The following DNM3 variants were observed in gnomAD, a reference collection of about 807,000 sequenced individuals.
DNM3 encodes the protein dynamin-3.
Under a neutral mutation model 101.6 loss-of-function variants are expected in DNM3, and 47 were observed. That is an observed-to-expected ratio of 0.46 (90% confidence interval 0.37 to 0.59). The LOEUF (loss-of-function observed/expected upper bound fraction) is 0.59, where lower values mean the gene tolerates loss of function less well. Among genes scored for constraint, DNM3 ranks in the 20% least tolerant of loss-of-function variants. The pLI, the probability that DNM3 is intolerant of heterozygous loss-of-function variation, is 0.00. For missense variants in DNM3, 849 were observed against 1,085.7 expected (o/e 0.78, Z 3.06); for synonymous variants, 385 against 387.9 (o/e 0.99, Z 0.09).
At chr1:172,309,282 A>G (rs2064981803) in intron 16 of DNM3, 1 of 154,638 alleles carries the variant, frequency 6.5e-6, no homozygotes, top group South Asian at 2.1e-4. Context: ...CCCTGTATCC[A>G]TAAGTATATC....
At chr1:172,280,403 C>T (rs186714359) in intron 15 of DNM3, among the ~76,000 whole-genome samples, 4 of 152,262 alleles carry the variant, frequency 2.6e-5, no homozygotes, top group Admixed American at 2.0e-4. Context: ...TTATTCACTG[C>T]TCTATCCTGA....
intron 13 of DNM3, among the ~76,000 whole-genome samples, chr1:172,126,528 T>C (rs1054138051): frequency 5.9e-5 from 9 of 152,202 alleles, no homozygotes; most frequent in Admixed American, 5.2e-4. Flanking sequence ...TGTAGCTCAG[T>C]TGACTAAATC....
chr1:172,374,561 G>A (rs1455104059), intron 17 of DNM3, among the ~76,000 whole-genome samples: 2 of 151,982 alleles, frequency 1.3e-5, no homozygotes, highest in Non-Finnish European at 2.9e-5. Context: ...TTACTAAGAA[G>A]TTTTTACATG....
intron 17 of DNM3, among the ~76,000 whole-genome samples, chr1:172,344,351 G>A (rs1003917111): frequency 6.6e-6 from 1 of 152,148 alleles, no homozygotes; most frequent in Admixed American, 6.5e-5. Flanking sequence ...AGAAGGTATT[G>A]TCTTCTATTC....
intron 2 of DNM3, among the ~76,000 whole-genome samples, chr1:171,965,986 C>T (rs1177386552): frequency 1.3e-5 from 2 of 152,090 alleles, no homozygotes; most frequent in East Asian, 1.9e-4. Flanking sequence ...TTCTGTCATC[C>T]CCATGACTCA....
At chr1:172,155,017 C>T (rs947111940) in intron 14 of DNM3, among the ~76,000 whole-genome samples, 4 of 151,926 alleles carry the variant, frequency 2.6e-5, no homozygotes, top group African/African-American at 9.7e-5. Flanking sequence ...AAAGATTGAA[C>T]TGTTTTTATT....
chr1:172,237,635 A>G (rs1398595035), intron 14 of DNM3, among the ~76,000 whole-genome samples: 12 of 152,188 alleles, frequency 7.9e-5, no homozygotes, highest in African/African-American at 2.9e-4. Flanking sequence ...TTCTGAATGG[A>G]CACAAATTGT....
At chr1:172,086,718 G>T (rs2053557705) in intron 12 of DNM3, among the ~76,000 whole-genome samples, 1 of 152,084 alleles carries the variant, frequency 6.6e-6, no homozygotes, top group African/African-American at 2.4e-5. Context: ...ACCTATGGTG[G>T]TAGCTACTGA....
At chr1:172,304,222 A>AAAAACAAAAAAAAAAAAC (rs745651671) in intron 15 of DNM3, among the ~76,000 whole-genome samples, 6 of 128,940 alleles carry the variant, frequency 4.7e-5, no homozygotes. Flanking sequence ...AAAAAAAAAA[A>AAAAACAAAAAAAAAAAAC]CAGGAGTTGC....
chr1:171,863,693 C>T (rs1267128341), intron 1 of DNM3, among the ~76,000 whole-genome samples: 1 of 152,158 alleles, frequency 6.6e-6, no homozygotes, highest in East Asian at 1.9e-4. Context: ...TGCAGTCCTG[C>T]TGAACGACTA....
At chr1:172,377,566 A>ATATAT (rs1371024971) in intron 17 of DNM3, among the ~76,000 whole-genome samples, 1 of 143,792 alleles carries the variant, frequency 7.0e-6, no homozygotes, top group African/African-American at 2.6e-5. Context: ...ATATATATAT[A>ATATAT]TATATATATA....
intron 2 of DNM3, among the ~76,000 whole-genome samples, chr1:171,957,634 C>T (rs538976002): frequency 1.8e-4 from 28 of 152,252 alleles, no homozygotes; most frequent in Non-Finnish European, 3.2e-4. Context: ...AAATTTCTCC[C>T]GCCAGGTACC....
At chr1:172,057,994 AG>A (rs1253993189) in intron 10 of DNM3, among the ~76,000 whole-genome samples, 2 of 142,910 alleles carry the variant, frequency 1.4e-5, no homozygotes, top group African/African-American at 5.4e-5. Flanking sequence ...GAAAGGATGG[AG>A]GAAGATCTAC....
chr1:172,409,842 T>C lies in DNM3; in HGVS notation c.*2001T>C. On this transcript the variant is annotated 3_prime_UTR_variant, in exon 21 of 21. Coordinates refer to ENST00000627582, the MANE Select transcript of DNM3 (RefSeq NM_015569.5). ...TTTGGCTTTGTGCTAAATGTGGTTT[T>C]GTGTTTTGCTGTATTTCAAAATTTT... is the stretch of plus-strand genomic sequence containing the variant. 1 of 985,800 alleles carries C rather than the reference T, an allele frequency of 1.0e-6. No individual in the cohort carries two copies. Among genetic ancestry groups the C allele is most frequent in the Non-Finnish European group, 1.2e-6 (1 of 829,888 alleles). The allele number at this position is 985,800 out of a possible 1,614,324, so 61.1% of individuals were successfully genotyped here.
intron 1 of DNM3, among the ~76,000 whole-genome samples, chr1:171,896,373 T>C (rs1262964308): frequency 1.3e-5 from 2 of 152,238 alleles, no homozygotes; most frequent in Non-Finnish European, 2.9e-5. Flanking sequence ...TAAGTTGGAT[T>C]CCTGGGTATT....
chr1:172,116,509 T>C (rs1311458509), intron 13 of DNM3, among the ~76,000 whole-genome samples: 1 of 152,158 alleles, frequency 6.6e-6, no homozygotes, highest in African/African-American at 2.4e-5. Context: ...CAGGTGGTGT[T>C]GGGGAGGGGG....
chr1:172,131,384 G>C, intron 14 of DNM3, 96 bp downstream of exon 14: 1 of 1,022,798 alleles, frequency 9.8e-7, no homozygotes, highest in South Asian at 1.5e-5. Flanking sequence ...GACACCAGTG[G>C]TTCTCTTTCA....
intron 15 of DNM3, among the ~76,000 whole-genome samples, chr1:172,256,411 T>C (rs1266118430): frequency 1.3e-5 from 2 of 152,196 alleles, no homozygotes; most frequent in African/African-American, 4.8e-5. Context: ...GGTTTTCTGT[T>C]TGTTCCATGG....
intron 4 of DNM3, among the ~76,000 whole-genome samples, chr1:172,027,798 A>G (rs1293350703): frequency 1.3e-5 from 2 of 152,224 alleles, no homozygotes; most frequent in East Asian, 1.9e-4. Flanking sequence ...ACAGACTTTA[A>G]GCCAACAAAG....
Sources: gnomAD v4.1 joint callset for allele counts (sites outside exome capture counted in the v4.1 genomes callset) on GRCh38, gnomAD v4.1.1 for gene constraint, MANE v1.5 for transcripts, NCBI Gene and HGNC (gene_info 2026-07-23, HGNC 2026-07-21) for gene names.